PHLPP1: variants seen among roughly 807,000 people sequenced by gnomAD.
PHLPP1 encodes PH domain leucine-rich repeat-containing protein phosphatase 1.
In PHLPP1, 42 loss-of-function variants were observed where a neutral mutation model predicts 117.2. That is an observed-to-expected ratio of 0.36 (90% CI 0.28 to 0.46). The LOEUF (loss-of-function observed/expected upper bound fraction) is 0.46, where lower values mean the gene tolerates loss of function less well. Ranked by LOEUF, PHLPP1 falls within the 20% of genes least tolerant of loss-of-function variation. The pLI, the probability that PHLPP1 is intolerant of heterozygous loss-of-function variation, is 1.00. For synonymous variants in PHLPP1, 1,042 were observed against 970.7 expected, an observed-to-expected ratio of 1.07 and a Z score of -1.37; for missense variants, 2,084 against 2,241.9, an observed-to-expected ratio of 0.93 and a Z score of 1.42.
chr18:62,732,129 A>G (rs1911244134), intron 1 of PHLPP1, among the ~76,000 whole-genome samples: 1 of 152,250 alleles, frequency 6.6e-6, no homozygotes, highest in African/African-American at 2.4e-5. Context: ...ACCAAGTGAC[A>G]GATTTTCAGT....
intron 1 of PHLPP1, among the ~76,000 whole-genome samples, chr18:62,827,679 A>G (rs1163919115): frequency 6.6e-6 from 1 of 152,234 alleles, no homozygotes; most frequent in East Asian, 1.9e-4. Flanking sequence ...TTCCAAGGAC[A>G]GGCTGATCTG....
chr18:62,850,744 C>T (rs914616151), intron 3 of PHLPP1, among the ~76,000 whole-genome samples: 7 of 152,102 alleles, frequency 4.6e-5, no homozygotes, highest in African/African-American at 7.2e-5. Flanking sequence ...ACACTGGTGG[C>T]TCATGATTTT....
chr18:62,965,397 C>G (rs1373928113), intron 14 of PHLPP1, among the ~76,000 whole-genome samples: 5 of 148,880 alleles, frequency 3.4e-5, no homozygotes, highest in African/African-American at 1.2e-4. Context: ...CCTGTCAGGT[C>G]ATTTCAGATC....
At chr18:62,739,816 C>G (rs1911470824) in intron 1 of PHLPP1, among the ~76,000 whole-genome samples, 1 of 152,072 alleles carries the variant, frequency 6.6e-6, no homozygotes. Flanking sequence ...CCTCAGTTTT[C>G]TTAGTGAATT....
chr18:62,881,128 C>T (rs1445749304), intron 4 of PHLPP1, among the ~76,000 whole-genome samples: 1 of 152,076 alleles, frequency 6.6e-6, no homozygotes, highest in African/African-American at 2.4e-5. Context: ...GTAGTAGTCC[C>T]ATGTACTGTG....
At chr18:62,835,776 CTTTTT>C (rs747058557) in intron 2 of PHLPP1, among the ~76,000 whole-genome samples, 1 of 94,514 alleles carries the variant, frequency 1.1e-5, no homozygotes, top group South Asian at 3.4e-4. Flanking sequence ...TCAACTGGTT[CTTTTT>C]TTTTTTTTTT....
At chr18:62,772,634 A>G (rs967564816) in intron 1 of PHLPP1, among the ~76,000 whole-genome samples, 10 of 152,074 alleles carry the variant, frequency 6.6e-5, no homozygotes, top group Non-Finnish European at 1.5e-5. Flanking sequence ...GTTCAAGGCC[A>G]GCCTGGCCAA....
intron 1 of PHLPP1, among the ~76,000 whole-genome samples, chr18:62,766,072 A>ATAT (rs1197342415): frequency 9.9e-5 from 2 of 20,210 alleles, no homozygotes; most frequent in African/African-American, 2.6e-4. Context: ...AAAAAAAAAA[A>ATAT]AAAAATATAT....
intron 1 of PHLPP1, among the ~76,000 whole-genome samples, chr18:62,824,014 C>T (rs772854781): frequency 1.3e-5 from 2 of 152,044 alleles, no homozygotes; most frequent in Non-Finnish European, 2.9e-5. Context: ...TGCCTGTAAT[C>T]CCAACTACTT....
intron 4 of PHLPP1, among the ~76,000 whole-genome samples, chr18:62,874,698 C>T (rs1916003953): frequency 6.6e-6 from 1 of 151,806 alleles, no homozygotes; most frequent in African/African-American, 2.4e-5. Flanking sequence ...CACACTCTCG[C>T]TCTCTGTCTC....
Position 62,927,985 on chromosome 18 carries a change from T to G in PHLPP1, c.2960+7871T>G, listed in dbSNP as rs1482089214. Among the ~76,000 whole-genome samples, 4 of 152,132 alleles carry G rather than the reference T, an allele frequency of 2.6e-5. No individual in the cohort carries two copies. The East Asian group carries it at 7.7e-4, about 29-fold the overall frequency. On this transcript the variant is annotated intron_variant, in intron 10 of 16. Transcript: ENST00000262719. The stretch of plus-strand genomic sequence containing the variant: ...TATGACCACCAGTAAAAAGATAAAA[T>G]AGTTTTAAAAGGCAAATATTTAGAT...
At chr18:62,886,361 A>C (rs1352715530) in intron 4 of PHLPP1, among the ~76,000 whole-genome samples, 1 of 152,164 alleles carries the variant, frequency 6.6e-6, no homozygotes, top group Non-Finnish European at 1.5e-5. Context: ...ATCACAGCTC[A>C]TTATTGCCTC....
At chr18:62,851,103 A>G (rs1337486758) in intron 3 of PHLPP1, among the ~76,000 whole-genome samples, 1 of 152,146 alleles carries the variant, frequency 6.6e-6, no homozygotes, top group African/African-American at 2.4e-5. Flanking sequence ...ATAAAAGGCA[A>G]ATAACAAATG....
chr18:62,949,978 C>T (rs947964575), intron 12 of PHLPP1, among the ~76,000 whole-genome samples: 1 of 152,196 alleles, frequency 6.6e-6, no homozygotes, highest in Non-Finnish European at 1.5e-5. Context: ...AACCCTTCCC[C>T]CGCTTTTTTT....
intron 2 of PHLPP1, among the ~76,000 whole-genome samples, chr18:62,835,735 G>A (rs1300506132): frequency 6.9e-6 from 1 of 145,850 alleles, no homozygotes; most frequent in Non-Finnish European, 1.5e-5. Flanking sequence ...TTCTAATTAC[G>A]TTAAACTGTC....
chr18:62,833,426 T>C (rs1914806562), intron 2 of PHLPP1, among the ~76,000 whole-genome samples: 1 of 152,250 alleles, frequency 6.6e-6, no homozygotes, highest in South Asian at 2.1e-4. Context: ...TATAATAAAT[T>C]GAAGAATTGT....
intron 14 of PHLPP1, among the ~76,000 whole-genome samples, chr18:62,971,656 C>T (rs77018914): frequency 0.031 from 4,653 of 151,428 alleles, 128 homozygotes; most frequent in African/African-American, 0.068. Context: ...GGAAGCTGGG[C>T]GGGAAGCAGG....
chr18:62,817,846 A>G (rs977246404), intron 1 of PHLPP1, among the ~76,000 whole-genome samples: 24 of 143,808 alleles, frequency 1.7e-4, no homozygotes, highest in Admixed American at 9.7e-4. Context: ...AAGAATGGCA[A>G]CAGACTTTTT....
intron 12 of PHLPP1, among the ~76,000 whole-genome samples, chr18:62,957,271 T>C (rs1257387056): frequency 1.3e-5 from 2 of 152,230 alleles, no homozygotes; most frequent in Non-Finnish European, 2.9e-5. Context: ...CAGTACACCT[T>C]ATTTAAGCTT....
Sources: allele counts gnomAD v4.1 joint callset (sites outside exome capture counted in the v4.1 genomes callset), GRCh38; gene constraint gnomAD v4.1.1; transcripts MANE v1.5; gene names NCBI Gene and HGNC (gene_info 2026-07-23, HGNC 2026-07-21).